CERS3: variants seen among roughly 807,000 people sequenced by gnomAD.
The protein encoded by CERS3 is ceramide synthase 3, also known as LAG1 homolog, ceramide synthase 3.
In CERS3, 33 loss-of-function variants were observed where a neutral mutation model predicts 50.3. The ratio of observed to expected loss-of-function variants is 0.66; its 90% CI spans 0.50 to 0.88. The LOEUF (loss-of-function observed/expected upper bound fraction) is 0.88, where lower values mean the gene tolerates loss of function less well. CERS3 is among the 40% of genes least tolerant of loss of function. The pLI is 0.00. For synonymous variants in CERS3, 176 were observed against 155.2 expected (o/e 1.13, Z -0.99); for missense variants, 470 against 460.3 (o/e 1.02, Z -0.19).
intron 11 of CERS3, among the ~76,000 whole-genome samples, chr15:100,420,290 A>G (rs1037639431): frequency 6.6e-6 from 1 of 150,574 alleles, no homozygotes; most frequent in African/African-American, 2.4e-5. Context: ...CCATCAGAGA[A>G]TACTACAAAC....
At position 100,455,977 on chromosome 15, in the gene CERS3, G is replaced by C. The variant is rs1256164950; in HGVS notation, c.915C>G (p.Asn305Lys). 1.9e-6 allele frequency: 3 copies of C among 1,613,180 alleles called. No homozygotes were observed. The Admixed American group carries it at 5.0e-5, about 27-fold the overall frequency. Residue 305 changes from asparagine (N) to lysine (K), a missense_variant, in exon 11 of 12, where the codon AAC (asparagine) becomes AAG (lysine). Transcript: ENST00000679737. Reference sequence around the variant, plus strand: ...GGACCTGCAAGATCATGAGCTGTAGGTTGAGGAAGATGTATGAAAAGAAAG... The same window carrying C: ...GGACCTGCAAGATCATGAGCTGTAGCTTGAGGAAGATGTATGAAAAGAAAG... ...LEPFFSYIFL[N>K]LQLMILQVLH...
At chr15:100,445,662 C>T (rs181649136) in intron 11 of CERS3, among the ~76,000 whole-genome samples, 5,522 of 152,302 alleles carry the variant, frequency 0.036, 140 homozygotes, top group Non-Finnish European at 0.06. Context: ...TAGGTTCCCA[C>T]GCCGCCCCTA....
At chr15:100,462,678 T>C (rs2034589182) in intron 10 of CERS3, among the ~76,000 whole-genome samples, 2 of 152,254 alleles carry the variant, frequency 1.3e-5, no homozygotes, top group Admixed American at 6.5e-5. Flanking sequence ...AGCTATGTGA[T>C]CCTGGAAGTA....
chr15:100,433,747 GCACA>G (rs1372640228), intron 11 of CERS3, among the ~76,000 whole-genome samples: 8 of 152,160 alleles, frequency 5.3e-5, no homozygotes, highest in African/African-American at 1.7e-4. Context: ...ACCTATACAT[GCACA>G]CACAAACACT....
At position 100,484,661 on chromosome 15, in the gene CERS3, A is replaced by C. The variant is rs369847994; in HGVS notation, c.296T>G (p.Ile99Ser). The change falls in exon 5 of 12, where the codon ATT becomes AGT. Residue 99 changes from isoleucine to serine, a missense_variant. Ile to Ser is a moderately radical substitution (Grantham distance 142, BLOSUM62 -2). Transcript: ENST00000679737. ...GTTACACTTCTTTGCCAGTCCATAA[A>C]TATCAGTCTGAAAAGGGATGAAACG... ...HSTRQPLQTD[I>S]YGLAKKCNLT... 1.1e-5 allele frequency: 17 copies of C among 1,611,514 alleles called. No homozygotes were observed. In the East Asian group the frequency reaches 3.8e-4, roughly 36 times the overall value.
chr15:100,523,241 G>C (rs1297049516), intron 1 of CERS3, among the ~76,000 whole-genome samples: 1 of 152,140 alleles, frequency 6.6e-6, no homozygotes, highest in Non-Finnish European at 1.5e-5. Flanking sequence ...TGCATAACAA[G>C]TCATGTTATA....
chr15:100,430,370 G>GA (rs201859822), intron 11 of CERS3, among the ~76,000 whole-genome samples: 96 of 151,748 alleles, frequency 6.3e-4, no homozygotes, highest in African/African-American at 2.1e-3. Context: ...TTGACAATGA[G>GA]AAAAAAAATA....
At chr15:100,500,589 G>GT (rs1208005404) in intron 3 of CERS3, 1 of 152,224 alleles carries the variant, frequency 6.6e-6, no homozygotes, top group Non-Finnish European at 1.5e-5. Context: ...TTTCAGGATA[G>GT]TAATTCTTCT....
intron 11 of CERS3, among the ~76,000 whole-genome samples, chr15:100,433,622 C>T (rs1310809311): frequency 6.6e-6 from 1 of 152,268 alleles, no homozygotes; most frequent in Non-Finnish European, 1.5e-5. Flanking sequence ...CAGAGTTCAA[C>T]TTCTCCCTTT....
chr15:100,498,761 T>C (rs534259442), intron 3 of CERS3, among the ~76,000 whole-genome samples: 19 of 152,344 alleles, frequency 1.2e-4, no homozygotes, highest in Non-Finnish European at 1.8e-4. Context: ...TAGGCAGATA[T>C]TAGGCATGTT....
Position 100,408,016 on chromosome 15 carries a change from C to T in CERS3, c.1000-5151G>A, listed in dbSNP as rs375367796. 6.1e-4 allele frequency among the ~76,000 whole-genome samples: 93 copies of T among 152,164 alleles called. No homozygotes were observed. In the South Asian group the frequency reaches 0.012, roughly 20 times the overall value. On this transcript the variant is annotated intron_variant, in intron 11 of 11. Coordinates refer to ENST00000679737, the MANE Select transcript of CERS3 (RefSeq NM_001378789.1). ...CCCCCTGAGTAGCTGGGATTACAGGCGGCCACCACTGTGCCTGGCTAATGT... is the reference window on the plus strand; with the variant it reads ...CCCCCTGAGTAGCTGGGATTACAGGTGGCCACCACTGTGCCTGGCTAATGT...
At chr15:100,522,837 C>T (rs2036676862) in intron 1 of CERS3, among the ~76,000 whole-genome samples, 1 of 152,176 alleles carries the variant, frequency 6.6e-6, no homozygotes, top group Admixed American at 6.5e-5. Context: ...TTCTGTAGAA[C>T]ATATACCTGG....
intron 11 of CERS3, among the ~76,000 whole-genome samples, chr15:100,428,765 A>G (rs1470172291): frequency 6.6e-6 from 1 of 152,252 alleles, no homozygotes; most frequent in South Asian, 2.1e-4. Flanking sequence ...AACACACAAT[A>G]AGAAATACAT....
intron 11 of CERS3, among the ~76,000 whole-genome samples, chr15:100,416,855 T>A (rs2031952156): frequency 2.6e-5 from 4 of 152,032 alleles, no homozygotes; most frequent in Admixed American, 2.6e-4. Context: ...CCAAAATCTA[T>A]AAGGATTCTA....
rs565308167 is a variant in CERS3, at chr15:100,449,505, G to C, written c.999+6388C>G. Reference sequence around the variant, plus strand: ...CTAGTGCCCAAGGACAGGACCATTTGGCCCACTGCTGCCACCACTGGGGCC... The same window carrying C: ...CTAGTGCCCAAGGACAGGACCATTTCGCCCACTGCTGCCACCACTGGGGCC... On this transcript the variant is annotated intron_variant, in intron 11 of 11. Transcript: ENST00000679737. 2.4e-4 allele frequency among the ~76,000 whole-genome samples: 36 copies of C among 152,264 alleles called. No homozygotes were observed. In the East Asian group the frequency reaches 6.2e-3, roughly 26 times the overall value.
chr15:100,539,818 T>G (rs910002797), intron 1 of CERS3, among the ~76,000 whole-genome samples: 2 of 152,194 alleles, frequency 1.3e-5, no homozygotes, highest in East Asian at 3.8e-4. Flanking sequence ...CCCTTATCAG[T>G]TGCTTCTGTG....
intron 4 of CERS3, among the ~76,000 whole-genome samples, chr15:100,488,975 C>T (rs2035569291): frequency 6.6e-6 from 1 of 152,130 alleles, no homozygotes; most frequent in Admixed American, 6.5e-5. Context: ...CAGGGTTTCA[C>T]CATGTTGGCC....
intron 11 of CERS3, among the ~76,000 whole-genome samples, chr15:100,448,432 A>T (rs1304003749): frequency 6.6e-6 from 1 of 152,200 alleles, no homozygotes; most frequent in African/African-American, 2.4e-5. Flanking sequence ...AGTAGTCCAC[A>T]TTCCCATCAT....
rs1043697595 is a variant in CERS3, at chr15:100,485,642, G to A, written c.289-974C>T. Among the ~76,000 whole-genome samples, 6 of 152,130 alleles carry A rather than the reference G, an allele frequency of 3.9e-5. No homozygotes were observed. The South Asian group carries it at 6.2e-4, about 16-fold the overall frequency. On this transcript the variant is annotated intron_variant, in intron 4 of 11. Coordinates refer to ENST00000679737, the MANE Select transcript of CERS3 (RefSeq NM_001378789.1). ...TGTAATCCCAGCACTTTGGGAGGCC[G>A]AGAAGGCGGTCAGGAGTTCGAGATC...
Sources: gnomAD v4.1 joint callset for allele counts (sites outside exome capture counted in the v4.1 genomes callset) on GRCh38, gnomAD v4.1.1 for gene constraint, MANE v1.5 for transcripts, NCBI Gene and HGNC (gene_info 2026-07-23, HGNC 2026-07-21) for gene names.